Variants in TCIRG1 observed in about 807,000 individuals in gnomAD.
The protein encoded by TCIRG1 is T cell immune regulator 1, ATPase H+ transporting V0 subunit a3.
A neutral mutation model predicts 95.5 loss-of-function variants in TCIRG1; 86 were observed. The ratio of observed to expected loss-of-function variants is 0.90; its 90% CI spans 0.76 to 1.08. The LOEUF is 1.08. TCIRG1 is among the 50% of genes least tolerant of loss of function. TCIRG1 has a pLI of 0.00. For missense variants in TCIRG1, 1,069 were observed against 1,140.2 expected, an observed-to-expected ratio of 0.94 and a Z score of 0.90; for synonymous variants, 499 against 501.3, an observed-to-expected ratio of 1.00 and a Z score of 0.06.
chr11:68,047,560 C>G lies in TCIRG1; in HGVS notation c.1293C>G (p.Ala431=), dbSNP rs372063415. The change falls in exon 11 of 20, where the codon GCC becomes GCG. Residue 431 remains alanine (A), a synonymous_variant. Coordinates refer to ENST00000265686, the MANE Select transcript of TCIRG1 (RefSeq NM_006019.4). ...VLAENRPAVK[A]AQNEIWQTFF... ...CGGAGAACCGACCGGCTGTGAAGGC[C>G]GCGCAGAACGAGGTGAGGGGCGGGG... is the stretch of plus-strand genomic sequence containing the variant. The G allele has an allele frequency of 1.3e-5, 21 of 1,613,668 alleles. No homozygotes were observed. The highest frequency in any genetic ancestry group is 1.8e-5 in the Non-Finnish European group (21 of 1,180,026).
rs1010479082 is a variant in TCIRG1, at chr11:68,044,457, CCTT to C, written c.1020+116_1020+118del. ...TGCACCTGGGCTTTGCCTAGGGGCT[CCTT>C]CTCCTCCCAGCCTCCTCCATGGCCC... is the stretch of plus-strand genomic sequence containing the variant. On this transcript the variant is annotated intron_variant, in intron 9 of 19. Transcript: ENST00000265686. 2.9e-5 allele frequency: 25 copies of C among 851,582 alleles called. No individual in the cohort carries two copies. The Admixed American group carries it at 4.3e-4, about 15-fold the overall frequency. The allele number at this position is 851,582 out of a possible 1,614,324, so 52.8% of individuals were successfully genotyped here.
chr11:68,044,411 C>T (rs916840489), intron 9 of TCIRG1, 67 bp downstream of exon 9: 2 of 1,319,490 alleles, frequency 1.5e-6, no homozygotes, highest in Non-Finnish European at 2.1e-6. Context: ...GTTTCTGCCT[C>T]ACTTCCAGCC....
intron 13 of TCIRG1, among the ~76,000 whole-genome samples, chr11:68,048,536 C>T (rs1476361096): frequency 6.6e-6 from 1 of 152,228 alleles, no homozygotes; most frequent in African/African-American, 2.4e-5. Context: ...TCATGTGATC[C>T]ACCTGCTTCA....
intron 9 of TCIRG1, 97 bp from the exon 10 acceptor site, chr11:68,044,861 C>G: frequency 6.7e-7 from 1 of 1,503,442 alleles, no homozygotes; most frequent in Non-Finnish European, 9.1e-7. Context: ...AGTGAGCCCC[C>G]ACAGGGCTCT....
chr11:68,050,474 C>G lies in TCIRG1; in HGVS notation c.2237-13C>G. On this transcript the variant is annotated splice_polypyrimidine_tract_variant and intron_variant, in intron 18 of 19. Coordinates refer to ENST00000265686, the MANE Select transcript of TCIRG1 (RefSeq NM_006019.4). ...CACTTGCCGTTGGCCCCCACTGTCT[C>G]CTTTGCTTGCAGAGCTGTCCGAGGT... The G allele has an allele frequency of 6.2e-7, 1 of 1,612,664 alleles. No individual in the cohort carries two copies.
chr11:68,052,786 C>T (rs1855842393), downstream of TCIRG1: 1 of 152,174 alleles, frequency 6.6e-6, no homozygotes, highest in African/African-American at 2.4e-5. Context: ...CAGATGGAGC[C>T]CTCCGTGGGC....
In TCIRG1 at chr11:68,047,805, G is replaced by A; in HGVS notation, c.1463+1G>A. The A allele has an allele frequency of 4.3e-6, 7 of 1,612,594 alleles. No individual in the cohort carries two copies. The highest frequency in any genetic ancestry group is 5.9e-6 in the Non-Finnish European group (7 of 1,179,610). On this transcript the variant is annotated splice_donor_variant, in intron 12 of 19. Coordinates refer to ENST00000265686, the MANE Select transcript of TCIRG1 (RefSeq NM_006019.4). LOFTEE classifies it high-confidence loss of function. ...CCATGGCCAACCAGTCTGGCTGGAG[G>A]TGAGGCCCGGGCCCCAGCCCGGCTG...
Position 68,041,259 on chromosome 11 carries a change from C to T in TCIRG1, c.-4-9C>T. ...CCCCTGACTGGCCCCCATCCGTGTC[C>T]ACCCACAGGACCATGGGCTCCATGT... On this transcript the variant is annotated splice_polypyrimidine_tract_variant and intron_variant, in intron 1 of 19. Transcript: ENST00000265686. 6.3e-7 allele frequency: 1 copy of T among 1,599,426 alleles called. No homozygotes were observed. Among genetic ancestry groups the T allele is most frequent in the Non-Finnish European group, 8.6e-7 (1 of 1,167,698 alleles).
rs145723719 is a variant in TCIRG1, at chr11:68,050,200, G to A, written c.2182G>A (p.Val728Ile). ...CACCATCGAGTTCTGCCTGGGCTGCGTCTCCAACACCGCCTCCTACCTGCG... is the reference window on the plus strand; with the variant it reads ...CACCATCGAGTTCTGCCTGGGCTGCATCTCCAACACCGCCTCCTACCTGCG... ...IHTIEFCLGC[V>I]SNTASYLRLW... The change falls in exon 18 of 20, where the codon GTC becomes ATC. Residue 728 changes from valine to isoleucine, a missense_variant. By Grantham distance (29) the Val-to-Ile change is conservative. Coordinates refer to ENST00000265686, the MANE Select transcript of TCIRG1 (RefSeq NM_006019.4). The A allele has an allele frequency of 2.1e-5, 34 of 1,613,402 alleles. No homozygotes were observed. Among genetic ancestry groups the A allele is most frequent in the Middle Eastern group, 1.6e-4 (1 of 6,082 alleles).
chr11:68,043,242 C>T, intron 5 of TCIRG1, 129 bp from the exon 6 acceptor site: 4 of 1,477,322 alleles, frequency 2.7e-6, no homozygotes, highest in South Asian at 1.3e-5. Context: ...CTCCTGCCTT[C>T]CCCTGTGGGC....
chr11:68,049,483 G>A, intron 15 of TCIRG1, 180 bp from the exon 16 acceptor site: 8 of 1,017,074 alleles, frequency 7.9e-6, no homozygotes, highest in Non-Finnish European at 1.0e-5. Flanking sequence ...GGAACCGGGG[G>A]TCCCTTCCCT....
rs1855753639 is a variant in TCIRG1 at position 68,050,554 on chromosome 11, G to T, written c.2304G>T (p.Val768=). 3 of 1,613,650 alleles carry T rather than the reference G, an allele frequency of 1.9e-6. No individual in the cohort carries two copies. The African/African-American group carries it at 4.0e-5, about 22-fold the overall frequency. ...IGLGLGREVG[V]AAVVLVPIFA... is the part of the protein sequence containing the mutation. ...TGGGCCTGGGCCGGGAGGTGGGCGT[G>T]GCGGCTGTGGTGCTGGTCCCCATCT... is the stretch of plus-strand genomic sequence containing the variant. Residue 768 remains valine, a synonymous_variant, in exon 19 of 20, where the codon GTG becomes GTT. Coordinates refer to ENST00000265686, the MANE Select transcript of TCIRG1 (RefSeq NM_006019.4).
Position 68,049,150 on chromosome 11 carries a change from C to T in TCIRG1, c.1743C>T (p.Phe581=), listed in dbSNP as rs148391697. The stretch of plus-strand genomic sequence containing the variant: ...AGCTCACCTTCCTGCTGGGACTCTT[C>T]GGTTACCTCGTGTTCCTAGTCATCT... The part of the protein sequence containing the change: ...LPELTFLLGL[F]GYLVFLVIYK... The change falls in exon 15 of 20, where the codon TTC becomes TTT. Residue 581 remains phenylalanine, a synonymous_variant. Coordinates refer to ENST00000265686, the MANE Select transcript of TCIRG1 (RefSeq NM_006019.4). 4.0e-5 allele frequency: 65 copies of T among 1,613,942 alleles called. No homozygotes were observed. The African/African-American group carries it at 5.3e-4, about 13-fold the overall frequency.
In TCIRG1 at chr11:68,043,567, G is replaced by A. The variant is rs756233316; in HGVS notation, c.631-4G>A. The A allele has an allele frequency of 6.2e-7, 1 of 1,606,916 alleles. No individual in the cohort carries two copies. Among genetic ancestry groups the A allele is most frequent in the Non-Finnish European group, 8.5e-7 (1 of 1,177,404 alleles). On this transcript the variant is annotated splice_region_variant and splice_polypyrimidine_tract_variant and intron_variant, in intron 6 of 19. Coordinates refer to ENST00000265686, the MANE Select transcript of TCIRG1 (RefSeq NM_006019.4). ...CCCCAGAGTCAGCTGAGCCTGCTCT[G>A]CAGGGCGAGCCAGCCACGTGGATGA...
chr11:68,050,539 C>A lies in TCIRG1; in HGVS notation c.2289C>A (p.Gly763=), dbSNP rs770276389. 8.1e-6 allele frequency: 13 copies of A among 1,613,668 alleles called. No individual in the cohort carries two copies. Among genetic ancestry groups the A allele is most frequent in the Non-Finnish European group, 1.1e-5 (13 of 1,180,016 alleles). ...TGATGCGCATAGGCCTGGGCCTGGG[C>A]CGGGAGGTGGGCGTGGCGGCTGTGG... is the stretch of plus-strand genomic sequence containing the variant. ...AMVMRIGLGL[G]REVGVAAVVL... is the part of the protein sequence containing the mutation. Residue 763 remains glycine (G), a synonymous_variant, in exon 19 of 20, where the codon GGC becomes GGA. Transcript: ENST00000265686.
intron 10 of TCIRG1, among the ~76,000 whole-genome samples, chr11:68,045,589 A>G (rs1161095522): frequency 6.7e-6 from 1 of 149,894 alleles, no homozygotes; most frequent in African/African-American, 2.5e-5. Context: ...AGTCTTGCTC[A>G]GTTGCCCAGG....
chr11:68,043,538 G>A lies in TCIRG1; in HGVS notation c.631-33G>A, dbSNP rs573584065. ...TGGGCTGGGGGGTCCTGGGCAGAGC[G>A]GGACCCCAGAGTCAGCTGAGCCTGC... On this transcript the variant is annotated intron_variant, in intron 6 of 19. Transcript: ENST00000265686. 6.2e-5 allele frequency: 99 copies of A among 1,592,414 alleles called. No individual in the cohort carries two copies. In the South Asian group the frequency reaches 8.5e-4, roughly 14 times the overall value.
rs573845313 is a variant in TCIRG1 at position 68,043,003 on chromosome 11, G to A, written c.475G>A (p.Gly159Arg). 1.4e-5 allele frequency: 22 copies of A among 1,552,192 alleles called. No homozygotes were observed. Among genetic ancestry groups the A allele is most frequent in the Middle Eastern group, 1.7e-4 (1 of 5,740 alleles). Residue 159 changes from glycine to arginine, a missense_variant, in exon 5 of 20, where the codon GGG (glycine) becomes AGG (arginine). Coordinates refer to ENST00000265686, the MANE Select transcript of TCIRG1 (RefSeq NM_006019.4). ...SERTPLLQAP[G>R]GPHQDLRVNF... Reference sequence around the variant, plus strand: ...GAGGACGCCCCTGCTCCAGGCCCCCGGGGGGCCGCACCAGGACCTGAGGGT... The same window carrying A: ...GAGGACGCCCCTGCTCCAGGCCCCCAGGGGGCCGCACCAGGACCTGAGGGT...
At chr11:68,043,528 T>C (rs1855287372) in intron 6 of TCIRG1, 31 bp downstream of exon 6, 21 of 1,585,690 alleles carry the variant, frequency 1.3e-5, no homozygotes, top group Non-Finnish European at 1.7e-5. Flanking sequence ...TGGGGGGTCC[T>C]GGGCAGAGCG....
Sources: allele counts gnomAD v4.1 joint callset (sites outside exome capture counted in the v4.1 genomes callset), GRCh38; gene constraint gnomAD v4.1.1; transcripts MANE v1.5; gene names NCBI Gene and HGNC (gene_info 2026-07-23, HGNC 2026-07-21).